ZNF713: variants seen among roughly 807,000 people sequenced by gnomAD.
ZNF713 encodes zinc finger protein 713.
Under a neutral mutation model 28.7 loss-of-function variants are expected in ZNF713, and 21 were observed. The ratio of observed to expected loss-of-function variants is 0.73; its 90% confidence interval spans 0.52 to 1.05. The LOEUF is 1.05. Among genes scored for constraint, ZNF713 ranks in the 50% least tolerant of loss-of-function variants. The pLI is 0.00. For synonymous variants in ZNF713, 167 were observed against 178.0 expected (o/e 0.94, Z 0.49); for missense variants, 458 against 532.4 (o/e 0.86, Z 1.37).
chr7:55,916,726 A>G (rs1785887763), intron 4 of ZNF713, among the ~76,000 whole-genome samples: 3 of 152,228 alleles, frequency 2.0e-5, no homozygotes, highest in Admixed American at 6.5e-5. Context: ...TTTCTGGGAA[A>G]CCATCTGGAA....
chr7:55,917,163 G>A lies in ZNF713; in HGVS notation c.87+4440G>A, dbSNP rs552873289. 2.6e-3 allele frequency among the ~76,000 whole-genome samples: 395 copies of A among 151,668 alleles called. 3 individuals carry two copies. Among genetic ancestry groups the A allele is most frequent in the African/African-American group, 8.7e-3 (362 of 41,390 alleles). On this transcript the variant is annotated intron_variant, in intron 4 of 6. Coordinates refer to ENST00000429591, the MANE Select transcript of ZNF713 (RefSeq NM_182633.3). ...CGGGAGGCGGAGCTTGCAGTGAGCC[G>A]AGATTGCGCCACTGCACTCCAGCCT...
chr7:55,912,674 AC>A lies in ZNF713; in HGVS notation c.39del (p.Asn13LysfsTer7). On this transcript the variant is annotated frameshift_variant, in exon 4 of 7. Coordinates refer to ENST00000429591, the MANE Select transcript of ZNF713 (RefSeq NM_182633.3). LOFTEE classifies it high-confidence loss of function. The part of the protein sequence containing the change: ...SQNAVFSQEG[N>X]MEEEEMNDGS... ...AATGCTGTTTTTTCTCAGGAGGGGA[AC>A]ATGGAGGAGGAAGAAATGAATGATG... 1 of 1,613,666 alleles carries A rather than the reference AC, an allele frequency of 6.2e-7. No individual in the cohort carries two copies. Among genetic ancestry groups the A allele is most frequent in the Non-Finnish European group, 8.5e-7 (1 of 1,179,872 alleles).
In ZNF713 at chr7:55,887,638, CGTCA is replaced by C. The variant is rs1562730812; in HGVS notation, c.-623_-620del. ...GCGGCGGCGGCGGCGGCGGCGGCGG[CGTCA>C]GGGGGCGGAGCCTGCCGAAGCGCCC... On this transcript the variant is annotated 5_prime_UTR_variant, in exon 1 of 7. Coordinates refer to ENST00000429591, the MANE Select transcript of ZNF713 (RefSeq NM_182633.3). 7.6e-5 allele frequency: 11 copies of C among 144,202 alleles called. No homozygotes were observed. The highest frequency in any genetic ancestry group is 1.9e-4 in the East Asian group (1 of 5,324). 8.9% of individuals were successfully genotyped at this position (144,202 alleles called of 1,614,324 possible).
chr7:55,897,791 C>T (rs142602274), intron 1 of ZNF713, among the ~76,000 whole-genome samples: 15 of 152,222 alleles, frequency 9.9e-5, no homozygotes, highest in East Asian at 3.9e-4. Flanking sequence ...AACATATTGA[C>T]GTCATAAACA....
intron 1 of ZNF713, among the ~76,000 whole-genome samples, chr7:55,890,758 G>T (rs1030519183): frequency 2.0e-5 from 3 of 152,098 alleles, no homozygotes; most frequent in Admixed American, 6.5e-5. Context: ...GGTGGCTTAT[G>T]CCTGTAATCC....
At chr7:55,892,569 A>AC (rs1554335048) in intron 1 of ZNF713, among the ~76,000 whole-genome samples, 2 of 149,926 alleles carry the variant, frequency 1.3e-5, no homozygotes, top group East Asian at 2.0e-4. Context: ...AAAAAAAAAA[A>AC]AAAAAAAAAC....
Position 55,940,147 on chromosome 7 carries a change from G to A in ZNF713, c.*141G>A, listed in dbSNP as rs897489465. The A allele has an allele frequency of 7.5e-7, 1 of 1,326,452 alleles. No homozygotes were observed. The highest frequency in any genetic ancestry group is 1.7e-5 in the South Asian group (1 of 60,522). The allele number at this position is 1,326,452 out of a possible 1,614,324, so 82.2% of individuals were successfully genotyped here. A position where few individuals can be genotyped will look rare whatever the true frequency, so the allele number is the denominator to read the frequency against. On this transcript the variant is annotated 3_prime_UTR_variant, in exon 7 of 7. Transcript: ENST00000429591. ...TTTGTTTTGTTTTGTTTTTGAGACT[G>A]AGTCTCACTCTGTCACCCAGGCTGA...
At chr7:55,920,261 A>G (rs1057341084) in intron 4 of ZNF713, among the ~76,000 whole-genome samples, 1 of 152,264 alleles carries the variant, frequency 6.6e-6, no homozygotes, top group Non-Finnish European at 1.5e-5. Context: ...TGAGAAGAGC[A>G]TGTCGAATGC....
chr7:55,939,458 G>C lies in ZNF713; in HGVS notation c.784G>C (p.Glu262Gln). 3.1e-6 allele frequency: 5 copies of C among 1,614,082 alleles called. No individual in the cohort carries two copies. The highest frequency in any genetic ancestry group is 4.2e-6 in the Non-Finnish European group (5 of 1,180,034). Residue 262 changes from glutamate (E) to glutamine (Q), a missense_variant, in exon 7 of 7, where the codon GAG (glutamate) becomes CAG (glutamine). Glu to Gln is a conservative substitution (Grantham distance 29). Transcript: ENST00000429591. Reference protein sequence around the residue: ...DHIHTAEKPSECGKAFSHTSS... With the variant: ...DHIHTAEKPSQCGKAFSHTSS... ...TATTCATACTGCAGAGAAACCCAGTGAGTGTGGGAAGGCCTTCAGCCACAC... is the reference window on the plus strand; with the variant it reads ...TATTCATACTGCAGAGAAACCCAGTCAGTGTGGGAAGGCCTTCAGCCACAC...
At chr7:55,922,409 A>G (rs188273343) in intron 4 of ZNF713, among the ~76,000 whole-genome samples, 5 of 151,996 alleles carry the variant, frequency 3.3e-5, no homozygotes, top group Admixed American at 6.6e-5. Context: ...GTAGTGGTGC[A>G]CACCTGTAGT....
At chr7:55,905,878 C>T (rs1204299443) in intron 1 of ZNF713, among the ~76,000 whole-genome samples, 2 of 151,828 alleles carry the variant, frequency 1.3e-5, no homozygotes, top group Admixed American at 6.6e-5. Flanking sequence ...CCGAGACGGG[C>T]GCATCACCAC....
intron 1 of ZNF713, among the ~76,000 whole-genome samples, chr7:55,898,055 A>T (rs1460983750): frequency 6.6e-6 from 1 of 150,570 alleles, no homozygotes; most frequent in Non-Finnish European, 1.5e-5. Context: ...ACCTCTGAGG[A>T]GAAGAGAGGG....
At position 55,912,624 on chromosome 7, in the gene ZNF713, C is replaced by A. The variant is rs748594836; in HGVS notation, c.-2-11C>A. 59 of 1,595,464 alleles carry A rather than the reference C, an allele frequency of 3.7e-5. No individual in the cohort carries two copies. Among genetic ancestry groups the A allele is most frequent in the Non-Finnish European group, 4.9e-5 (57 of 1,166,972 alleles). ...TGTCATATATTAACAAGATGCTTCT[C>A]TTTTTCCTAGTTATGCCTTCTCAGA... On this transcript the variant is annotated splice_polypyrimidine_tract_variant and intron_variant, in intron 3 of 6. Transcript: ENST00000429591.
At chr7:55,910,233 AG>A (rs1250302392) in intron 2 of ZNF713, among the ~76,000 whole-genome samples, 2 of 152,134 alleles carry the variant, frequency 1.3e-5, no homozygotes, top group East Asian at 3.9e-4. Flanking sequence ...TCATGTCATT[AG>A]CAAACAGAGA....
chr7:55,895,403 T>C (rs1177360292), intron 1 of ZNF713, among the ~76,000 whole-genome samples: 2 of 150,996 alleles, frequency 1.3e-5, no homozygotes, highest in African/African-American at 4.9e-5. Flanking sequence ...AATTAAGATA[T>C]ATCTATCTAT....
chr7:55,912,707 A>T lies in ZNF713; in HGVS notation c.71A>T (p.Gln24Leu), dbSNP rs1233427226. ...GAGGAAGAAATGAATGATGGCTCAC[A>T]GATGGTGAGATCTCAGGTAAGTTCA... Reference protein sequence around the residue: ...MEEEEMNDGSQMVRSQESLTF... With the variant: ...MEEEEMNDGSLMVRSQESLTF... Residue 24 changes from glutamine (Q) to leucine (L), a missense_variant, in exon 4 of 7, where the codon CAG becomes CTG. By Grantham distance (113) the Gln-to-Leu change is moderately radical. Transcript: ENST00000429591. The T allele has an allele frequency of 1.2e-6, 2 of 1,613,398 alleles. No individual in the cohort carries two copies. The highest frequency in any genetic ancestry group is 2.2e-5 in the South Asian group (2 of 90,756).
chr7:55,888,750 G>C (rs1196475981), intron 1 of ZNF713, among the ~76,000 whole-genome samples: 2 of 18,890 alleles, frequency 1.1e-4, no homozygotes, highest in African/African-American at 7.5e-4. Flanking sequence ...TACATACATA[G>C]ATTTTTTTCA....
At chr7:55,925,394 G>A (rs13223053) in intron 6 of ZNF713, among the ~76,000 whole-genome samples, 4,900 of 152,142 alleles carry the variant, frequency 0.032, 251 homozygotes, top group African/African-American at 0.11. Context: ...AGGCCGAGGC[G>A]GGCAGATCAC....
At chr7:55,927,834 T>G (rs1230048132) in intron 6 of ZNF713, among the ~76,000 whole-genome samples, 1 of 124,790 alleles carries the variant, frequency 8.0e-6, no homozygotes, top group African/African-American at 3.2e-5. Flanking sequence ...GAGACGGAGG[T>G]TGCAGTGAGC....
Sources: gnomAD v4.1 joint callset for allele counts (sites outside exome capture counted in the v4.1 genomes callset) on GRCh38, gnomAD v4.1.1 for gene constraint, MANE v1.5 for transcripts, NCBI Gene and HGNC (gene_info 2026-07-23, HGNC 2026-07-21) for gene names.